Variants in ZNF423 observed in about 807,000 individuals in gnomAD.
ZNF423 encodes Ebf-associated zinc finger protein.
ZNF423 carries 12 observed loss-of-function variants against 95.8 expected under a neutral mutation model. The observed-to-expected ratio is 0.13, with a 90% CI of 0.08 to 0.20. The LOEUF is 0.20. Ranked by LOEUF, ZNF423 falls within the 10% of genes least tolerant of loss-of-function variation. ZNF423 has a pLI of 1.00. For synonymous variants in ZNF423, 749 were observed against 711.9 expected (o/e 1.05, Z -0.83); for missense variants, 1,316 against 1,737.1 (o/e 0.76, Z 4.31).
At chr16:49,607,895 T>A (rs1971589820) in intron 5 of ZNF423, among the ~76,000 whole-genome samples, 1 of 152,196 alleles carries the variant, frequency 6.6e-6, no homozygotes, top group African/African-American at 2.4e-5. Flanking sequence ...GTGCGAGAGC[T>A]GTCCTCCTTT....
chr16:49,649,638 TACACAC>T (rs58838858), intron 3 of ZNF423, among the ~76,000 whole-genome samples: 34,022 of 140,186 alleles, frequency 0.24, 3,923 homozygotes, highest in South Asian at 0.28. Context: ...TGCTTTGAAG[TACACAC>T]ACACACACAC....
At chr16:49,799,790 T>C (rs2034554256) in intron 1 of ZNF423, among the ~76,000 whole-genome samples, 1 of 152,186 alleles carries the variant, frequency 6.6e-6, no homozygotes, top group Admixed American at 6.5e-5. Context: ...TGTTTTGTTT[T>C]GGTTTATTTT....
chr16:49,604,506 C>T (rs1971472693), intron 5 of ZNF423, among the ~76,000 whole-genome samples: 1 of 152,146 alleles, frequency 6.6e-6, no homozygotes, highest in Non-Finnish European at 1.5e-5. Flanking sequence ...ATCTAGTGGC[C>T]TCGTTTCTAG....
At chr16:49,618,358 C>A (rs1008333147) in intron 5 of ZNF423, among the ~76,000 whole-genome samples, 2 of 152,170 alleles carry the variant, frequency 1.3e-5, no homozygotes, top group African/African-American at 4.8e-5. Context: ...TGTGTCCCCA[C>A]CCAAATTTCA....
In ZNF423 at chr16:49,705,219, C is replaced by G. The variant is rs532082642; in HGVS notation, c.301+25552G>C. ...TCATTCAACAGAGTCAAGGCCCCAGCCCTTCACAAAGCCTGCCATGGTCAC... is the reference window on the plus strand; with the variant it reads ...TCATTCAACAGAGTCAAGGCCCCAGGCCTTCACAAAGCCTGCCATGGTCAC... On this transcript the variant is annotated intron_variant, in intron 3 of 7. Transcript: ENST00000563137. Among the ~76,000 whole-genome samples the G allele has an allele frequency of 7.2e-5, 11 of 152,254 alleles. No individual in the cohort carries two copies. In the South Asian group the frequency reaches 2.3e-3, roughly 32 times the overall value.
intron 1 of ZNF423, among the ~76,000 whole-genome samples, chr16:49,793,582 C>T (rs1404222425): frequency 2.0e-5 from 3 of 152,206 alleles, no homozygotes; most frequent in Non-Finnish European, 2.9e-5. Flanking sequence ...CACAGTACTC[C>T]TGTGGATGAT....
chr16:49,705,723 T>A (rs2032327019), intron 3 of ZNF423, among the ~76,000 whole-genome samples: 1 of 152,128 alleles, frequency 6.6e-6, no homozygotes, highest in African/African-American at 2.4e-5. Flanking sequence ...AATCTTTGTC[T>A]TTTTAGTAGA....
rs570273926 is a variant in ZNF423 at position 49,713,767 on chromosome 16, G to A, written c.301+17004C>T. On this transcript the variant is annotated intron_variant, in intron 3 of 7. Transcript: ENST00000563137. ...GTGTTTGTTGAGACTGTGATAAAAA[G>A]GCATTCGAGGAAGCAGTGTGAAAGA... Among the ~76,000 whole-genome samples the A allele has an allele frequency of 2.0e-5, 3 of 152,310 alleles. No homozygotes were observed. In the South Asian group the frequency reaches 6.2e-4, roughly 32 times the overall value.
chr16:49,502,529 T>C (rs1967449732), intron 7 of ZNF423, among the ~76,000 whole-genome samples: 3 of 151,466 alleles, frequency 2.0e-5, no homozygotes, highest in Admixed American at 2.0e-4. Flanking sequence ...GTCCGTGGGC[T>C]ATCTGGAGAG....
At chr16:49,745,843 T>C (rs1378999668) in intron 2 of ZNF423, among the ~76,000 whole-genome samples, 4 of 152,102 alleles carry the variant, frequency 2.6e-5, no homozygotes, top group African/African-American at 7.2e-5. Context: ...AGAATTTGCA[T>C]CAAAGGCAGG....
intron 3 of ZNF423, among the ~76,000 whole-genome samples, chr16:49,673,452 G>T (rs2030907267): frequency 6.6e-6 from 1 of 152,198 alleles, no homozygotes; most frequent in Non-Finnish European, 1.5e-5. Context: ...CGCTAACCGA[G>T]GCTGGCCTGG....
At chr16:49,582,179 C>T (rs1970696533) in intron 5 of ZNF423, among the ~76,000 whole-genome samples, 1 of 152,220 alleles carries the variant, frequency 6.6e-6, no homozygotes, top group African/African-American at 2.4e-5. Flanking sequence ...AGGGGAAGCC[C>T]CTTCCAGGCA....
intron 3 of ZNF423, among the ~76,000 whole-genome samples, chr16:49,645,882 C>T (rs1199382354): frequency 3.9e-5 from 6 of 152,192 alleles, no homozygotes; most frequent in Non-Finnish European, 8.8e-5. Context: ...CTTCCTGCCA[C>T]CATGTGAAGA....
intron 2 of ZNF423, among the ~76,000 whole-genome samples, chr16:49,775,069 C>A (rs2034098563): frequency 6.6e-6 from 1 of 152,186 alleles, no homozygotes; most frequent in African/African-American, 2.4e-5. Context: ...TGCCTCCGCC[C>A]AGCTCCCTCC....
intron 3 of ZNF423, among the ~76,000 whole-genome samples, chr16:49,698,785 C>G (rs2032067080): frequency 6.6e-6 from 1 of 152,248 alleles, no homozygotes; most frequent in African/African-American, 2.4e-5. Flanking sequence ...CGCTGCCGAG[C>G]CCGGCCGCCG....
At position 49,664,049 on chromosome 16, in the gene ZNF423, A is replaced by AACCCAGC. The variant is rs371263074; in HGVS notation, c.302-25182_302-25176dup. 9.7e-5 allele frequency: 96 copies of AACCCAGC among 985,046 alleles called. No individual in the cohort carries two copies. The African/African-American group carries it at 1.6e-3, about 16-fold the overall frequency. 61.0% of individuals were successfully genotyped at this position (985,046 alleles called of 1,614,324 possible). ...TGTTTTATTCATTCTTCCCCCTTCC[A>AACCCAGC]ACCCAGCCACCCCCTCATCACTGTC... On this transcript the variant is annotated intron_variant, in intron 3 of 7. Transcript: ENST00000563137.
intron 5 of ZNF423, among the ~76,000 whole-genome samples, chr16:49,587,232 C>T (rs1970869554): frequency 6.6e-6 from 1 of 152,162 alleles, no homozygotes; most frequent in South Asian, 2.1e-4. Flanking sequence ...AGCTCCTGAG[C>T]CCCTGACAAT....
intron 2 of ZNF423, among the ~76,000 whole-genome samples, chr16:49,737,627 A>G (rs2033318566): frequency 1.3e-5 from 2 of 152,184 alleles, no homozygotes. Flanking sequence ...GGGGCAGGGG[A>G]CAGCTGGCTG....
chr16:49,813,312 C>T (rs1036669056), intron 1 of ZNF423, among the ~76,000 whole-genome samples: 13 of 152,238 alleles, frequency 8.5e-5, no homozygotes, highest in African/African-American at 3.1e-4. Flanking sequence ...TCCAGGCAGC[C>T]AGAGCCTTCT....
Sources: gnomAD v4.1 joint callset for allele counts (sites outside exome capture counted in the v4.1 genomes callset) on GRCh38, gnomAD v4.1.1 for gene constraint, MANE v1.5 for transcripts, NCBI Gene and HGNC (gene_info 2026-07-23, HGNC 2026-07-21) for gene names.